Variants in PKIB observed in about 807,000 individuals in gnomAD.
PKIB encodes cAMP-dependent protein kinase inhibitor beta.
A neutral mutation model predicts 4.5 loss-of-function variants in PKIB; 2 were observed. The ratio of observed to expected loss-of-function variants is 0.44; its 90% CI spans 0.18 to 1.39. PKIB has a LOEUF of 1.39. Ranked by LOEUF, PKIB falls within the 40% of genes most tolerant of loss-of-function variation. PKIB has a pLI of 0.27. For synonymous variants in PKIB, 38 were observed against 36.0 expected (o/e 1.06, Z -0.20); for missense variants, 94 against 92.6 (o/e 1.02, Z -0.06).
chr6:122,586,486 A>G (rs1773851957), intron 3 of PKIB, among the ~76,000 whole-genome samples: 1 of 152,112 alleles, frequency 6.6e-6, no homozygotes, highest in Non-Finnish European at 1.5e-5. Flanking sequence ...TGATGCTACT[A>G]CAACTTCAAA....
intron 2 of PKIB, among the ~76,000 whole-genome samples, chr6:122,542,561 T>C (rs1218068234): frequency 6.6e-6 from 1 of 152,052 alleles, no homozygotes; most frequent in Non-Finnish European, 1.5e-5. Flanking sequence ...TGCTGCTGCC[T>C]GATCATTCCT....
intron 3 of PKIB, among the ~76,000 whole-genome samples, chr6:122,708,316 A>G (rs1477682900): frequency 6.6e-6 from 1 of 152,122 alleles, no homozygotes; most frequent in Non-Finnish European, 1.5e-5. Context: ...CCTATGCCAT[A>G]TTATCTCATT....
At chr6:122,563,173 C>G (rs1177581683) in intron 2 of PKIB, among the ~76,000 whole-genome samples, 2 of 152,168 alleles carry the variant, frequency 1.3e-5, no homozygotes, top group African/African-American at 2.4e-5. Flanking sequence ...ATGTAGTACT[C>G]TCATCCTTTT....
At chr6:122,528,917 T>G (rs976753731) in intron 2 of PKIB, among the ~76,000 whole-genome samples, 1 of 152,048 alleles carries the variant, frequency 6.6e-6, no homozygotes, top group Non-Finnish European at 1.5e-5. Flanking sequence ...AAAGACACAA[T>G]TCTCATGACC....
exon 1 of PKIB, chr6:122,472,004 A>G: frequency 1.3e-6 from 1 of 744,300 alleles, no homozygotes; most frequent in Non-Finnish European, 2.0e-6. Context: ...TTAACGGCTA[A>G]TGTGGATCTG....
intron 2 of PKIB, among the ~76,000 whole-genome samples, chr6:122,492,172 T>G (rs754634838): frequency 4.6e-5 from 7 of 152,138 alleles, no homozygotes; most frequent in Non-Finnish European, 1.0e-4. Flanking sequence ...GAAAGGATAC[T>G]GATTTTAGAG....
chr6:122,616,563 T>C (rs1774998502), intron 1 of PKIB, among the ~76,000 whole-genome samples: 1 of 152,164 alleles, frequency 6.6e-6, no homozygotes. Context: ...GAGTCATTAG[T>C]GTGGGAGAGG....
chr6:122,710,678 T>C (rs1779239461), intron 3 of PKIB, among the ~76,000 whole-genome samples: 1 of 152,184 alleles, frequency 6.6e-6, no homozygotes, highest in African/African-American at 2.4e-5. Flanking sequence ...GTGGTAAAGG[T>C]GCTAGCACGC....
chr6:122,616,013 T>C (rs1324959179), intron 1 of PKIB, among the ~76,000 whole-genome samples: 2 of 152,150 alleles, frequency 1.3e-5, no homozygotes, highest in African/African-American at 2.4e-5. Flanking sequence ...GAGTAAAAGA[T>C]ACATTGGGGT....
At chr6:122,705,211 C>G (rs1275830274) in intron 3 of PKIB, among the ~76,000 whole-genome samples, 1 of 152,086 alleles carries the variant, frequency 6.6e-6, no homozygotes, top group African/African-American at 2.4e-5. Flanking sequence ...TGTGAGTCCT[C>G]CAAGATCATC....
intron 3 of PKIB, among the ~76,000 whole-genome samples, chr6:122,690,929 TATA>T (rs202178620): frequency 0.024 from 3,265 of 133,546 alleles, 120 homozygotes; most frequent in African/African-American, 0.082. Flanking sequence ...TATATATATA[TATA>T]TTTTTTTTTT....
chr6:122,559,716 C>A (rs556223668), intron 2 of PKIB, among the ~76,000 whole-genome samples: 1 of 152,236 alleles, frequency 6.6e-6, no homozygotes, highest in South Asian at 2.1e-4. Flanking sequence ...TCTATGATTT[C>A]TTTCAACAGA....
chr6:122,715,649 G>GTATATATATATATATATA (rs138034261), intron 3 of PKIB, among the ~76,000 whole-genome samples: 4 of 146,806 alleles, frequency 2.7e-5, no homozygotes, highest in Admixed American at 2.1e-4. Flanking sequence ...GGTATTTTAT[G>GTATATATATATATATATA]TATATATATA....
Position 122,559,681 on chromosome 6 carries a change from G to A in PKIB, c.-247-26240G>A, listed in dbSNP as rs145856099. On this transcript the variant is annotated intron_variant, in intron 2 of 6. Coordinates refer to the PKIB transcript ENST00000392491. ...TGATTCTACCCATCCATGAGCATGA[G>A]ATGTGTTTCCATTTGTTTGTGTCAT... Among the ~76,000 whole-genome samples, 337 of 152,242 alleles carry A rather than the reference G, an allele frequency of 2.2e-3. 8 individuals are homozygous for A. The East Asian group carries it at 0.044, about 20-fold the overall frequency.
chr6:122,659,523 AAACTT>A, intron 2 of PKIB, among the ~76,000 whole-genome samples: 1 of 152,308 alleles, frequency 6.6e-6, no homozygotes, highest in Non-Finnish European at 1.5e-5. Flanking sequence ...AGTACTGAGT[AAACTT>A]AACTTAGTGA....
chr6:122,471,940 C>A (rs1484363849), exon 1 of PKIB: 1 of 1,198,094 alleles, frequency 8.3e-7, no homozygotes, highest in East Asian at 2.7e-5. Flanking sequence ...CGTCACTAGA[C>A]GACACGGCTG....
At chr6:122,584,307 A>C (rs543396696) in intron 2 of PKIB, among the ~76,000 whole-genome samples, 1 of 152,188 alleles carries the variant, frequency 6.6e-6, no homozygotes, top group Non-Finnish European at 1.5e-5. Flanking sequence ...CATCAAATGA[A>C]TAAGTTCAAA....
At chr6:122,709,759 A>T (rs1481567657) in intron 3 of PKIB, among the ~76,000 whole-genome samples, 1 of 152,184 alleles carries the variant, frequency 6.6e-6, no homozygotes, top group African/African-American at 2.4e-5. Context: ...AGTATATATT[A>T]ATTATAAATG....
chr6:122,563,257 G>A (rs752481907), intron 2 of PKIB, among the ~76,000 whole-genome samples: 15 of 152,152 alleles, frequency 9.9e-5, no homozygotes, highest in Non-Finnish European at 1.6e-4. Flanking sequence ...CACCCAGTAA[G>A]TCTACCTGGC....
Sources: allele counts gnomAD v4.1 joint callset (sites outside exome capture counted in the v4.1 genomes callset), GRCh38; gene constraint gnomAD v4.1.1; transcripts MANE v1.5; gene names NCBI Gene and HGNC (gene_info 2026-07-23, HGNC 2026-07-21).